The following PLD5 variants were observed in gnomAD, a reference collection of about 807,000 sequenced individuals.
The protein encoded by PLD5 is phospholipase D family member 5.
Under a neutral mutation model 61.1 loss-of-function variants are expected in PLD5, and 36 were observed. The ratio of observed to expected loss-of-function variants is 0.59; its 90% CI spans 0.45 to 0.78. The LOEUF is 0.78. Among genes scored for constraint, PLD5 ranks in the 30% least tolerant of loss-of-function variants. The probability of loss-of-function intolerance (pLI) is 0.00; values close to 1 mark genes in which losing one functional copy is unlikely to be tolerated. For missense variants in PLD5, 515 were observed against 644.4 expected (o/e 0.80, Z 2.17); for synonymous variants, 243 against 242.8 (o/e 1.00, Z -0.01).
intron 5 of PLD5, among the ~76,000 whole-genome samples, chr1:242,184,240 G>A (rs316832): frequency 0.13 from 19,401 of 152,094 alleles, 1,883 homozygotes; most frequent in East Asian, 0.49. Context: ...AATAGCTTCC[G>A]TGGTGACCAG....
intron 1 of PLD5, among the ~76,000 whole-genome samples, chr1:242,500,672 T>G (rs1668524856): frequency 6.6e-6 from 1 of 151,806 alleles, no homozygotes; most frequent in African/African-American, 2.4e-5. Context: ...CGTGAGCAGG[T>G]TGGGGAAGGG....
chr1:242,440,234 G>C (rs1206264154), intron 1 of PLD5, among the ~76,000 whole-genome samples: 1 of 152,006 alleles, frequency 6.6e-6, no homozygotes, highest in Admixed American at 6.6e-5. Flanking sequence ...TCCATTTTTA[G>C]GCAGTAGCAT....
intron 5 of PLD5, among the ~76,000 whole-genome samples, chr1:242,150,742 A>G (rs1005715786): frequency 9.2e-5 from 14 of 151,572 alleles, no homozygotes; most frequent in African/African-American, 3.1e-4. Context: ...TCGCTTTTTT[A>G]TCCAATCTGT....
intron 2 of PLD5, among the ~76,000 whole-genome samples, chr1:242,304,239 T>G (rs1248699514): frequency 6.6e-6 from 1 of 152,214 alleles, no homozygotes; most frequent in Non-Finnish European, 1.5e-5. Flanking sequence ...GTGGCCCAGC[T>G]GGGTGCAAGG....
At position 242,102,763 on chromosome 1, in the gene PLD5, G is replaced by T. The variant is rs576434308; in HGVS notation, c.1240-1981C>A. ...TAGACATTAGGGCCATAAGCTTCTT[G>T]CCCATCTAGGCTTGTATTGATGCTT... On this transcript the variant is annotated intron_variant, in intron 8 of 9. Coordinates refer to ENST00000536534, the MANE Select transcript of PLD5 (RefSeq NM_001372062.1). Among the ~76,000 whole-genome samples, 11 of 152,242 alleles carry T rather than the reference G, an allele frequency of 7.2e-5. No homozygotes were observed. The South Asian group carries it at 1.7e-3, about 23-fold the overall frequency.
chr1:242,196,098 G>T (rs940500741), intron 5 of PLD5, among the ~76,000 whole-genome samples: 5 of 152,114 alleles, frequency 3.3e-5, no homozygotes, highest in Non-Finnish European at 7.4e-5. Context: ...TTTGGTTTGG[G>T]GTGAGGATTG....
chr1:242,331,035 T>A (rs1391669482), intron 2 of PLD5, among the ~76,000 whole-genome samples: 1 of 152,198 alleles, frequency 6.6e-6, no homozygotes, highest in Non-Finnish European at 1.5e-5. Context: ...AATATTTTTT[T>A]GAACACTCAC....
chr1:242,127,712 A>C (rs1662909425), intron 5 of PLD5, among the ~76,000 whole-genome samples: 1 of 152,156 alleles, frequency 6.6e-6, no homozygotes, highest in Admixed American at 6.6e-5. Flanking sequence ...TTCAATGTAC[A>C]CTGCTTGGGT....
At chr1:242,440,532 A>T (rs561350134) in intron 1 of PLD5, among the ~76,000 whole-genome samples, 1 of 152,246 alleles carries the variant, frequency 6.6e-6, no homozygotes, top group Non-Finnish European at 1.5e-5. Flanking sequence ...TAATCCATTT[A>T]TCAACATCTA....
At chr1:242,461,418 A>G (rs1375962946) in intron 1 of PLD5, among the ~76,000 whole-genome samples, 2 of 152,210 alleles carry the variant, frequency 1.3e-5, no homozygotes, top group Non-Finnish European at 2.9e-5. Flanking sequence ...CACAGGTCAT[A>G]TGTTCAGGAA....
Position 242,085,466 on chromosome 1 carries a change from C to A in PLD5, c.*4388G>T, listed in dbSNP as rs183067957. 1.8e-4 allele frequency: 27 copies of A among 152,248 alleles called. No homozygotes were observed. The highest frequency in any genetic ancestry group is 1.6e-3 in the Admixed American group (24 of 15,290). 9.4% of individuals were successfully genotyped at this position (152,248 alleles called of 1,614,324 possible). A position where few individuals can be genotyped will look rare whatever the true frequency, so the allele number is the denominator to read the frequency against. On this transcript the variant is annotated 3_prime_UTR_variant, in exon 10 of 10. Coordinates refer to ENST00000536534, the MANE Select transcript of PLD5 (RefSeq NM_001372062.1). ...ACAGGCTGCGAACTGGGGTTGATGT[C>A]AGGGCTATTCAAAAGCCTCCGTCCA...
chr1:242,339,779 C>G (rs1659730237), intron 2 of PLD5, among the ~76,000 whole-genome samples: 1 of 152,114 alleles, frequency 6.6e-6, no homozygotes, highest in African/African-American at 2.4e-5. Context: ...TTGGGGGATT[C>G]TGAGTTGGAA....
At chr1:242,227,171 A>G (rs1312646454) in intron 4 of PLD5, among the ~76,000 whole-genome samples, 1 of 152,118 alleles carries the variant, frequency 6.6e-6, no homozygotes, top group Non-Finnish European at 1.5e-5. Flanking sequence ...TTTTGAGGAC[A>G]CTAATGTTTG....
intron 1 of PLD5, among the ~76,000 whole-genome samples, chr1:242,514,742 T>C (rs1338929359): frequency 6.6e-6 from 1 of 152,098 alleles, no homozygotes; most frequent in African/African-American, 2.4e-5. Flanking sequence ...AGATACAGTG[T>C]CTTATGTGCA....
intron 1 of PLD5, among the ~76,000 whole-genome samples, chr1:242,400,479 C>A (rs1452469335): frequency 6.6e-6 from 1 of 152,104 alleles, no homozygotes; most frequent in Non-Finnish European, 1.5e-5. Flanking sequence ...AATGCATAGT[C>A]TCTGATCTCA....
chr1:242,494,229 C>T (rs1668287267), intron 1 of PLD5, among the ~76,000 whole-genome samples: 1 of 151,782 alleles, frequency 6.6e-6, no homozygotes, highest in South Asian at 2.1e-4. Flanking sequence ...ATCCCCTTTT[C>T]CCAGGCTATG....
At chr1:242,392,655 G>C (rs546357944) in intron 1 of PLD5, among the ~76,000 whole-genome samples, 2 of 152,146 alleles carry the variant, frequency 1.3e-5, no homozygotes, top group Non-Finnish European at 2.9e-5. Context: ...CATGGGTTTA[G>C]AGCACTCAGA....
At chr1:242,432,294 G>A (rs1287854400) in intron 1 of PLD5, among the ~76,000 whole-genome samples, 2 of 152,080 alleles carry the variant, frequency 1.3e-5, no homozygotes, top group Admixed American at 6.6e-5. Flanking sequence ...TAGGAAATTC[G>A]GACACTACCA....
At chr1:242,142,387 T>A (rs759361136) in intron 5 of PLD5, among the ~76,000 whole-genome samples, 1 of 152,228 alleles carries the variant, frequency 6.6e-6, no homozygotes, top group Non-Finnish European at 1.5e-5. Context: ...ATAGTCTACA[T>A]AGATAAGAGC....
Sources: gnomAD v4.1 joint callset for allele counts (sites outside exome capture counted in the v4.1 genomes callset) on GRCh38, gnomAD v4.1.1 for gene constraint, MANE v1.5 for transcripts, NCBI Gene and HGNC (gene_info 2026-07-23, HGNC 2026-07-21) for gene names.